The following USP7 variants were observed in gnomAD, a reference collection of about 807,000 sequenced individuals.
USP7 encodes ubiquitin specific peptidase 7, also known as ubiquitin C-terminal hydrolase 7.
USP7 carries 9 observed loss-of-function variants against 162.9 expected under a neutral mutation model. The ratio of observed to expected loss-of-function variants is 0.06; its 90% confidence interval spans 0.03 to 0.10. USP7 has a LOEUF of 0.10. Among genes scored for constraint, USP7 ranks in the 10% least tolerant of loss-of-function variants. USP7 has a pLI of 1.00. For synonymous variants in USP7, 562 were observed against 475.9 expected (o/e 1.18, Z -2.35); for missense variants, 715 against 1,373.7 (o/e 0.52, Z 7.58).
chr16:8,931,923 G>C (rs560157132), intron 1 of USP7, among the ~76,000 whole-genome samples: 152 of 152,314 alleles, frequency 1.0e-3, no homozygotes, highest in Middle Eastern at 3.4e-3. Flanking sequence ...CAGAAATTAA[G>C]AATCTCAACT....
chr16:8,916,979 A>G, intron 7 of USP7, 47 bp downstream of exon 7: 2 of 1,506,246 alleles, frequency 1.3e-6, no homozygotes, highest in East Asian at 2.3e-5. Context: ...TAAAAAAAAA[A>G]AAAAAAAGAG....
rs148917734 is a variant in USP7 at position 8,941,838 on chromosome 16, T to C, written c.80-11441A>G. On this transcript the variant is annotated intron_variant, in intron 1 of 30. Coordinates refer to ENST00000344836, the MANE Select transcript of USP7 (RefSeq NM_003470.3). ...TCTGACAGATGGGCTGGGCCCAGGG[T>C]TCGGCAGGGAACTGGGTGGACACGC... Among the ~76,000 whole-genome samples, 1,507 of 152,278 alleles carry C rather than the reference T, an allele frequency of 9.9e-3. 15 individuals are homozygous for C. The highest frequency in any genetic ancestry group is 0.013 in the Non-Finnish European group (907 of 68,016).
intron 6 of USP7, 116 bp downstream of exon 6, chr16:8,918,914 CT>C: frequency 1.0e-6 from 1 of 973,540 alleles, no homozygotes. Context: ...TAGCAGCCAT[CT>C]GAGGAGACAG....
intron 8 of USP7, among the ~76,000 whole-genome samples, chr16:8,915,829 C>G (rs1457412413): frequency 1.3e-5 from 2 of 152,108 alleles, no homozygotes; most frequent in African/African-American, 4.8e-5. Context: ...TAAAATTGTT[C>G]ACTAAACTTA....
At chr16:8,938,244 C>T (rs993463768) in intron 1 of USP7, among the ~76,000 whole-genome samples, 1 of 151,614 alleles carries the variant, frequency 6.6e-6, no homozygotes, top group African/African-American at 2.4e-5. Context: ...TGTAGGACTG[C>T]TACTACACTA....
At chr16:8,948,192 C>G (rs1480749171) in intron 1 of USP7, among the ~76,000 whole-genome samples, 1 of 152,210 alleles carries the variant, frequency 6.6e-6, no homozygotes, top group Non-Finnish European at 1.5e-5. Context: ...ATGGAACCCT[C>G]AACTGACCTT....
At chr16:8,918,091 T>C (rs1596375550) in intron 6 of USP7, among the ~76,000 whole-genome samples, 1 of 152,316 alleles carries the variant, frequency 6.6e-6, no homozygotes, top group South Asian at 2.1e-4. Flanking sequence ...CGCCCAGCCA[T>C]GGAGCACCAT....
intron 3 of USP7, among the ~76,000 whole-genome samples, chr16:8,922,617 C>A (rs545371666): frequency 6.6e-6 from 1 of 152,352 alleles, no homozygotes; most frequent in Admixed American, 6.5e-5. Flanking sequence ...AAGTCAGCAG[C>A]TTCCCCTGGT....
intron 1 of USP7, among the ~76,000 whole-genome samples, chr16:8,940,706 A>G (rs1328150947): frequency 3.9e-5 from 6 of 152,174 alleles, no homozygotes; most frequent in African/African-American, 1.4e-4. Flanking sequence ...GGAGTGGGAA[A>G]GATCAGAGGC....
At chr16:8,918,565 C>T (rs1346281523) in intron 6 of USP7, among the ~76,000 whole-genome samples, 2 of 152,162 alleles carry the variant, frequency 1.3e-5, no homozygotes, top group African/African-American at 2.4e-5. Context: ...ATCTGAGCCC[C>T]TTGGGAAGCT....
chr16:8,910,113 C>T (rs1274399217), intron 11 of USP7, among the ~76,000 whole-genome samples: 1 of 152,080 alleles, frequency 6.6e-6, no homozygotes. Flanking sequence ...TTAGTTGAGT[C>T]AATGAGTCAA....
intron 10 of USP7, 70 bp downstream of exon 10, chr16:8,915,184 T>A: frequency 7.2e-7 from 1 of 1,382,112 alleles, no homozygotes; most frequent in Non-Finnish European, 9.9e-7. Context: ...ACATCACTTG[T>A]GTAAATGAAA....
At chr16:8,908,045 G>A (rs1596363662) in intron 12 of USP7, among the ~76,000 whole-genome samples, 1 of 152,342 alleles carries the variant, frequency 6.6e-6, no homozygotes, top group Middle Eastern at 3.4e-3. Flanking sequence ...GAATGCAAGA[G>A]CTGTGAAGCA....
At chr16:8,928,286 T>C (rs762482824) in intron 2 of USP7, among the ~76,000 whole-genome samples, 2 of 152,296 alleles carry the variant, frequency 1.3e-5, no homozygotes, top group Admixed American at 6.5e-5. Flanking sequence ...GCTTCCCAGA[T>C]TGTGTGCCCT....
chr16:8,941,127 A>G lies in USP7; in HGVS notation c.80-10730T>C, dbSNP rs1052450386. ...CTGCTGCCCAATTCACATGGGGCCCATGCCCCATGCCCATGAGGACCCCCC... is the reference window on the plus strand; with the variant it reads ...CTGCTGCCCAATTCACATGGGGCCCGTGCCCCATGCCCATGAGGACCCCCC... On this transcript the variant is annotated intron_variant, in intron 1 of 30. Coordinates refer to ENST00000344836, the MANE Select transcript of USP7 (RefSeq NM_003470.3). 6.6e-5 allele frequency among the ~76,000 whole-genome samples: 10 copies of G among 151,712 alleles called. No homozygotes were observed. The East Asian group carries it at 1.9e-3, about 29-fold the overall frequency.
In USP7 at chr16:8,905,173, T is replaced by C; in HGVS notation, c.1573+14A>G. 9 of 1,612,374 alleles carry C rather than the reference T, an allele frequency of 5.6e-6. No homozygotes were observed. The highest frequency in any genetic ancestry group is 7.6e-6 in the Non-Finnish European group (9 of 1,178,440). On this transcript the variant is annotated intron_variant, in intron 14 of 30. Coordinates refer to ENST00000344836, the MANE Select transcript of USP7 (RefSeq NM_003470.3). ...ACCACAGTAAAGAACAGAACAAAAGTGAACACTACTCACTCAGTTTTGATT... is the reference window on the plus strand; with the variant it reads ...ACCACAGTAAAGAACAGAACAAAAGCGAACACTACTCACTCAGTTTTGATT...
chr16:8,946,699 C>A (rs1341770959), intron 1 of USP7, among the ~76,000 whole-genome samples: 2 of 152,198 alleles, frequency 1.3e-5, no homozygotes, highest in Non-Finnish European at 2.9e-5. Flanking sequence ...TATACCCCAG[C>A]CCCACACACC....
intron 2 of USP7, chr16:8,929,471 G>T (rs1050074131): frequency 2.2e-6 from 1 of 455,860 alleles, no homozygotes. Flanking sequence ...CTTTTGGCAG[G>T]AGGTCTGAAC....
At chr16:8,894,269 C>A (rs541434748) in intron 30 of USP7, among the ~76,000 whole-genome samples, 165 bp from the exon 31 acceptor site, 1 of 152,314 alleles carries the variant, frequency 6.6e-6, no homozygotes, top group East Asian at 1.9e-4. Flanking sequence ...GAGGCCCACA[C>A]CCTGACTGCG....
Sources: allele counts gnomAD v4.1 joint callset (sites outside exome capture counted in the v4.1 genomes callset), GRCh38; gene constraint gnomAD v4.1.1; transcripts MANE v1.5; gene names NCBI Gene and HGNC (gene_info 2026-07-23, HGNC 2026-07-21).